Variants in HAAO observed in about 807,000 individuals in gnomAD.
The protein encoded by HAAO is 3-hydroxyanthranilate 3,4-dioxygenase, also known as 3-hydroxyanthranilate oxygenase.
HAAO carries 49 observed loss-of-function variants against 46.2 expected under a neutral mutation model. The ratio of observed to expected loss-of-function variants is 1.06; its 90% confidence interval spans 0.84 to 1.34. The LOEUF (loss-of-function observed/expected upper bound fraction) is 1.34, where lower values mean the gene tolerates loss of function less well. HAAO is among the 40% of genes most tolerant of loss of function. The pLI is 0.00. For synonymous variants in HAAO, 157 were observed against 145.2 expected (o/e 1.08, Z -0.58); for missense variants, 408 against 364.5 (o/e 1.12, Z -0.97).
chr2:42,787,638 A>G lies in HAAO; in HGVS notation c.159+891T>C, dbSNP rs533280263. Among the ~76,000 whole-genome samples the G allele has an allele frequency of 3.0e-4, 46 of 152,170 alleles. 3 individuals are homozygous for G. In the South Asian group the frequency reaches 9.3e-3, roughly 31 times the overall value. On this transcript the variant is annotated intron_variant, in intron 2 of 9. Transcript: ENST00000294973. ...GAGGTGCTCAGCAAATATTTATTGA[A>G]CAAGTGATTCTCCCATGCTCACCAC...
chr2:42,790,812 A>G (rs897088152), intron 1 of HAAO, among the ~76,000 whole-genome samples: 1 of 152,182 alleles, frequency 6.6e-6, no homozygotes, highest in Admixed American at 6.5e-5. Context: ...GATTACAGGC[A>G]TGAGCCACTG....
Position 42,769,862 on chromosome 2 carries a change from C to T in HAAO, c.485-4G>A. 1 of 1,605,280 alleles carries T rather than the reference C, an allele frequency of 6.2e-7. No individual in the cohort carries two copies. The highest frequency in any genetic ancestry group is 8.5e-7 in the Non-Finnish European group (1 of 1,175,792). ...GGTGGCTCCTTGAGCAGCTGGTCTGCACCCACAGCATGACTATAGTCGGTG... is the reference window on the plus strand; with the variant it reads ...GGTGGCTCCTTGAGCAGCTGGTCTGTACCCACAGCATGACTATAGTCGGTG... On this transcript the variant is annotated splice_polypyrimidine_tract_variant and splice_region_variant and intron_variant, in intron 6 of 9. Coordinates refer to ENST00000294973, the MANE Select transcript of HAAO (RefSeq NM_012205.3).
intron 7 of HAAO, among the ~76,000 whole-genome samples, chr2:42,768,586 G>A (rs1670846938): frequency 6.6e-6 from 1 of 152,162 alleles, no homozygotes; most frequent in Non-Finnish European, 1.5e-5. Context: ...CTGTGGCCAT[G>A]AGCATCCCTG....
At chr2:42,786,519 G>A (rs540017623) in intron 2 of HAAO, among the ~76,000 whole-genome samples, 1 of 152,350 alleles carries the variant, frequency 6.6e-6, no homozygotes, top group Non-Finnish European at 1.5e-5. Context: ...GCACCAGGCT[G>A]TGTGCACATA....
intron 2 of HAAO, among the ~76,000 whole-genome samples, chr2:42,786,686 C>T (rs1475826999): frequency 6.6e-6 from 1 of 152,122 alleles, no homozygotes; most frequent in Non-Finnish European, 1.5e-5. Context: ...TGCCTCTGGC[C>T]CCCCTGCACC....
In HAAO at chr2:42,786,009, C is replaced by CTCTG. The variant is rs1372722035; in HGVS notation, c.160-2143_160-2142insCAGA. ...CACTCTCCAAGCTGGGAGGAAGCCT[C>CTCTG]TGTGTGTGTGTGTGTGTGTGTGTGT... On this transcript the variant is annotated intron_variant, in intron 2 of 9. Coordinates refer to ENST00000294973, the MANE Select transcript of HAAO (RefSeq NM_012205.3). Among the ~76,000 whole-genome samples the CTCTG allele has an allele frequency of 8.0e-4, 85 of 106,152 alleles. 1 individual carries two copies. The highest frequency in any genetic ancestry group is 4.3e-3 in the Middle Eastern group (1 of 230). The allele number at this position is 106,152 out of a possible 152,430, so 69.6% of individuals were successfully genotyped here.
chr2:42,788,046 C>A (rs737147), intron 2 of HAAO, among the ~76,000 whole-genome samples: 37,095 of 151,972 alleles, frequency 0.24, 5,083 homozygotes, highest in East Asian at 0.59. Context: ...ACCATGCCTA[C>A]CCCTCAGCCA....
chr2:42,780,663 A>G (rs1671920816), intron 4 of HAAO, among the ~76,000 whole-genome samples: 2 of 152,114 alleles, frequency 1.3e-5, no homozygotes, highest in South Asian at 4.1e-4. Flanking sequence ...ATAGAAGACT[A>G]AAGTAATCTT....
At chr2:42,788,648 C>T in intron 1 of HAAO, 41 bp from the exon 2 acceptor site, 2 of 1,251,056 alleles carry the variant, frequency 1.6e-6, no homozygotes, top group South Asian at 2.4e-5. Flanking sequence ...AAACCATCTC[C>T]TAGGAGTGAA....
At chr2:42,777,045 T>A (rs901008900) in intron 4 of HAAO, among the ~76,000 whole-genome samples, 6 of 149,524 alleles carry the variant, frequency 4.0e-5, no homozygotes, top group African/African-American at 1.5e-4. Flanking sequence ...CTCACACCTG[T>A]AATCCCAGCA....
At chr2:42,775,750 G>C (rs1183805310) in intron 4 of HAAO, among the ~76,000 whole-genome samples, 1 of 152,030 alleles carries the variant, frequency 6.6e-6, no homozygotes, top group Non-Finnish European at 1.5e-5. Context: ...AAATGAAGAA[G>C]GCACTAGACT....
intron 4 of HAAO, among the ~76,000 whole-genome samples, chr2:42,778,150 A>G (rs530419164): frequency 1.3e-5 from 2 of 152,286 alleles, no homozygotes; most frequent in African/African-American, 2.4e-5. Flanking sequence ...AAAAACTTTT[A>G]TATGATCAAG....
At position 42,792,526 on chromosome 2, in the gene HAAO, C is replaced by T. The variant is rs1387088434; in HGVS notation, c.11G>A (p.Arg4His). 1.9e-6 allele frequency: 3 copies of T among 1,591,210 alleles called. No homozygotes were observed. The highest frequency in any genetic ancestry group is 1.7e-5 in the Admixed American group (1 of 57,446). MERRLGVRAWVKEN... is the reference protein window; with the variant it reads MERHLGVRAWVKEN... ...CTTCACCCAGGCCCTCACTCCCAGGCGGCGCTCCATGACTGTCCCGGGCGC... is the reference window on the plus strand; with the variant it reads ...CTTCACCCAGGCCCTCACTCCCAGGTGGCGCTCCATGACTGTCCCGGGCGC... The change falls in exon 1 of 10, where the codon CGC becomes CAC. Residue 4 changes from arginine to histidine, a missense_variant. By Grantham distance (29) the Arg-to-His change is conservative. Coordinates refer to ENST00000294973, the MANE Select transcript of HAAO (RefSeq NM_012205.3).
In HAAO at chr2:42,783,426, G is replaced by A. The variant is rs757155678; in HGVS notation, c.244-6C>T. ...CTGGCAGGCAGGAGGAATATCTGCA[G>A]TGGTAGAGATAAGGTGCACAGTGAG... On this transcript the variant is annotated splice_region_variant and splice_polypyrimidine_tract_variant and intron_variant, in intron 3 of 9. Transcript: ENST00000294973. 79 of 1,562,178 alleles carry A rather than the reference G, an allele frequency of 5.1e-5. No individual in the cohort carries two copies. Among genetic ancestry groups the A allele is most frequent in the Middle Eastern group, 3.4e-4 (2 of 5,936 alleles).
intron 4 of HAAO, among the ~76,000 whole-genome samples, chr2:42,775,108 G>A (rs1302142155): frequency 6.6e-6 from 1 of 152,130 alleles, no homozygotes; most frequent in Non-Finnish European, 1.5e-5. Flanking sequence ...TTAGCTGGGC[G>A]CAGTGGCGCG....
At chr2:42,788,988 G>A (rs1354382855) in intron 1 of HAAO, 4 of 266,738 alleles carry the variant, frequency 1.5e-5, no homozygotes, top group Middle Eastern at 1.4e-3. Context: ...GGGGCAAAAC[G>A]ACCTTGACCT....
At chr2:42,772,107 C>G (rs1242108026) in intron 4 of HAAO, among the ~76,000 whole-genome samples, 1 of 152,174 alleles carries the variant, frequency 6.6e-6, no homozygotes, top group Non-Finnish European at 1.5e-5. Flanking sequence ...AAGATAAGAC[C>G]ACGTGTCTGT....
At chr2:42,790,737 G>C (rs1672734380) in intron 1 of HAAO, among the ~76,000 whole-genome samples, 2 of 152,116 alleles carry the variant, frequency 1.3e-5, no homozygotes, top group South Asian at 4.2e-4. Context: ...TCACCATGTT[G>C]GCCAGTCTGG....
At position 42,788,647 on chromosome 2, in the gene HAAO, C is replaced by T. The variant is rs763027717; in HGVS notation, c.81-40G>A. On this transcript the variant is annotated intron_variant, in intron 1 of 9. Transcript: ENST00000294973. ...GTGGGGGAGACGTTCTAAACCATCT[C>T]CTAGGAGTGAAGAGAGCACGGGTCC... is the stretch of plus-strand genomic sequence containing the variant. 15 of 1,253,084 alleles carry T rather than the reference C, an allele frequency of 1.2e-5. No individual in the cohort carries two copies. The East Asian group carries it at 3.0e-4, about 25-fold the overall frequency. 77.6% of individuals were successfully genotyped at this position (1,253,084 alleles called of 1,614,324 possible). A position where few individuals can be genotyped will look rare whatever the true frequency, so the allele number is the denominator to read the frequency against.
Sources: gnomAD v4.1 joint callset for allele counts (sites outside exome capture counted in the v4.1 genomes callset) on GRCh38, gnomAD v4.1.1 for gene constraint, MANE v1.5 for transcripts, NCBI Gene and HGNC (gene_info 2026-07-23, HGNC 2026-07-21) for gene names.